Variants in CAPN2 observed in about 807,000 individuals in gnomAD.
CAPN2 encodes the protein calpain 2.
A neutral mutation model predicts 102.3 loss-of-function variants in CAPN2; 92 were observed. The observed-to-expected ratio is 0.90, with a 90% confidence interval of 0.76 to 1.07. The LOEUF (loss-of-function observed/expected upper bound fraction) is 1.07. CAPN2 is among the 50% of genes least tolerant of loss of function. The pLI is 0.00. For missense variants in CAPN2, 800 were observed against 909.4 expected, an observed-to-expected ratio of 0.88 and a Z score of 1.55; for synonymous variants, 340 against 355.4, an observed-to-expected ratio of 0.96 and a Z score of 0.49.
intron 4 of CAPN2, 39 bp from the exon 5 acceptor site, chr1:223,746,958 G>A: frequency 6.3e-7 from 1 of 1,576,704 alleles, no homozygotes; most frequent in East Asian, 2.2e-5. Context: ...AGCATCAGTA[G>A]TGTCAAGGGT....
At chr1:223,751,956 T>C (rs368954759) in intron 7 of CAPN2, 41 bp from the exon 8 acceptor site, 10 of 1,378,500 alleles carry the variant, frequency 7.3e-6, no homozygotes, top group Non-Finnish European at 9.2e-6. Flanking sequence ...TGGGGAGAAA[T>C]CATCGTACAC....
At chr1:223,762,081 G>C (rs1401862515) in intron 13 of CAPN2, 105 bp from the exon 14 acceptor site, 10 of 874,826 alleles carry the variant, frequency 1.1e-5, no homozygotes, top group African/African-American at 3.3e-5. Context: ...GCCCCAGGGA[G>C]GGGTAGAGAA....
rs149026969 is a variant in CAPN2 at position 223,749,048 on chromosome 1, G to A, written c.739G>A (p.Ala247Thr). Residue 247 changes from alanine to threonine, a missense_variant, in exon 6 of 21, where the codon GCC becomes ACC. Transcript: ENST00000295006. ...LLGCSIDITS[A>T]ADSEAITFQK... ...GTTGCTGTGTTTGCAGATCACCAGC[G>A]CCGCGGACTCGGAGGCCATCACGTT... The A allele has an allele frequency of 1.2e-6, 2 of 1,614,014 alleles. No individual in the cohort carries two copies. The highest frequency in any genetic ancestry group is 1.7e-6 in the Non-Finnish European group (2 of 1,179,864).
In CAPN2 at chr1:223,766,447, C is replaced by T. The variant is rs751366307; in HGVS notation, c.1755+16C>T. The T allele has an allele frequency of 1.9e-6, 3 of 1,590,084 alleles. No individual in the cohort carries two copies. In the East Asian group the frequency reaches 6.7e-5, roughly 36 times the overall value. On this transcript the variant is annotated intron_variant, in intron 16 of 20. Transcript: ENST00000295006. The stretch of plus-strand genomic sequence containing the variant: ...CATGCTAGATGTATCCTTTAATGTG[C>T]TCCAGGGAATAGAGACTGGGGGAGT...
chr1:223,744,544 A>G (rs1470348190), intron 3 of CAPN2, among the ~76,000 whole-genome samples: 1 of 152,114 alleles, frequency 6.6e-6, no homozygotes, highest in East Asian at 1.9e-4. Flanking sequence ...TCCTCCTTTT[A>G]TGCCGGTAAA....
rs10556130 is a variant in CAPN2 at position 223,719,805 on chromosome 1, C to CGTGTGTGTGT, written c.307+1992_307+2001dup. Among the ~76,000 whole-genome samples, 1,180 of 143,722 alleles carry CGTGTGTGTGT rather than the reference C, an allele frequency of 8.2e-3. 11 individuals carry two copies. The highest frequency in any genetic ancestry group is 0.017 in the Admixed American group (245 of 14,232). The allele number at this position is 143,722 out of a possible 152,430, so 94.3% of individuals were successfully genotyped here. A position where few individuals can be genotyped will look rare whatever the true frequency, so the allele number is the denominator to read the frequency against. On this transcript the variant is annotated intron_variant, in intron 2 of 20. Coordinates refer to ENST00000295006, the MANE Select transcript of CAPN2 (RefSeq NM_001748.5). ...GTCTGTAATTTCTCAGGGGTGTGTG[C>CGTGTGTGTGT]GTGTGTGTGTGTGTGTGTGTGTGTG...
intron 2 of CAPN2, among the ~76,000 whole-genome samples, chr1:223,728,281 T>C (rs1323136946): frequency 6.6e-6 from 1 of 152,158 alleles, no homozygotes; most frequent in Non-Finnish European, 1.5e-5. Flanking sequence ...CAGAGTCATC[T>C]GTAGGCCCCC....
Position 223,717,650 on chromosome 1 carries a change from A to AGGGGAG in CAPN2, c.238-108_238-103dup, listed in dbSNP as rs1659912392. 17 of 793,458 alleles carry AGGGGAG rather than the reference A, an allele frequency of 2.1e-5. No individual in the cohort carries two copies. In the Middle Eastern group the frequency reaches 7.8e-4, roughly 36 times the overall value. The allele number at this position is 793,458 out of a possible 1,614,324, so 49.2% of individuals were successfully genotyped here. On this transcript the variant is annotated intron_variant, in intron 1 of 20. Coordinates refer to ENST00000295006, the MANE Select transcript of CAPN2 (RefSeq NM_001748.5). ...GACTGTGATGACACACTTTCCCCAG[A>AGGGGAG]GGGGAGGGGAAGGGGAGAAGGGGTT...
chr1:223,725,098 G>A lies in CAPN2; in HGVS notation c.307+7267G>A, dbSNP rs1238955464. Among the ~76,000 whole-genome samples the A allele has an allele frequency of 6.6e-6, 1 of 152,228 alleles. No homozygotes were observed. Among genetic ancestry groups the A allele is most frequent in the Non-Finnish European group, 1.5e-5 (1 of 68,048 alleles). ...CCACATACTGGCTCTGTCATTTTGA[G>A]TGGATCACTATCCTCTTCACACCTC... is the stretch of plus-strand genomic sequence containing the variant. On this transcript the variant is annotated intron_variant, in intron 2 of 20. Coordinates refer to ENST00000295006, the MANE Select transcript of CAPN2 (RefSeq NM_001748.5). The surrounding 1 kb of genome is among the most constrained non-coding windows in gnomAD (Gnocchi z 4.1).
intron 12 of CAPN2, 98 bp from the exon 13 acceptor site, chr1:223,761,483 C>G: frequency 1.0e-6 from 1 of 952,442 alleles, no homozygotes; most frequent in East Asian, 2.5e-5. Flanking sequence ...CACCTACCCC[C>G]TGCTGGATTT....
At chr1:223,723,247 G>T (rs992901963) in intron 2 of CAPN2, among the ~76,000 whole-genome samples, 4 of 152,186 alleles carry the variant, frequency 2.6e-5, no homozygotes, top group African/African-American at 9.6e-5. Flanking sequence ...CCAGGAGGTA[G>T]AAGCTGCTGT....
chr1:223,729,286 C>T (rs947701976), intron 2 of CAPN2, among the ~76,000 whole-genome samples: 5 of 152,196 alleles, frequency 3.3e-5, no homozygotes, highest in African/African-American at 1.2e-4. Flanking sequence ...TTGAGTTGTT[C>T]AGCATTTTAT....
At chr1:223,751,784 T>C (rs1660906590) in intron 7 of CAPN2, among the ~76,000 whole-genome samples, 1 of 152,220 alleles carries the variant, frequency 6.6e-6, no homozygotes, top group Admixed American at 6.5e-5. Context: ...CCCGCTCACT[T>C]TGCTCCCTGG....
chr1:223,773,485 G>C (rs908854532), intron 20 of CAPN2, among the ~76,000 whole-genome samples: 2 of 152,156 alleles, frequency 1.3e-5, no homozygotes, highest in Admixed American at 1.3e-4. Context: ...CCTGAGGTTG[G>C]GAGTTCGAGA....
At chr1:223,732,570 G>A (rs567307319) in intron 2 of CAPN2, among the ~76,000 whole-genome samples, 1 of 152,086 alleles carries the variant, frequency 6.6e-6, no homozygotes, top group African/African-American at 2.4e-5. Context: ...GGTTTTGGCC[G>A]GCTTCTTTAC....
chr1:223,742,518 A>AT (rs199697766), intron 2 of CAPN2, among the ~76,000 whole-genome samples: 23,128 of 114,148 alleles, frequency 0.2, 2,831 homozygotes, highest in Non-Finnish European at 0.26. Context: ...ATATATATAT[A>AT]TTTTTTTTTT....
At chr1:223,751,193 G>T (rs1003046694) in intron 7 of CAPN2, among the ~76,000 whole-genome samples, 1 of 152,170 alleles carries the variant, frequency 6.6e-6, no homozygotes, top group Non-Finnish European at 1.5e-5. Context: ...CAGGCCCCAA[G>T]CTGCTCGTGT....
chr1:223,770,808 G>A (rs1205760404), intron 18 of CAPN2: 3 of 260,496 alleles, frequency 1.2e-5, no homozygotes, highest in Non-Finnish European at 2.2e-5. Context: ...TCCTCCAGGT[G>A]CTTCCTTTCT....
At position 223,775,650 on chromosome 1, in the gene CAPN2, C is replaced by CGTGACA. The variant is rs1192036039; in HGVS notation, c.*793_*794insGTGACA. 1.3e-5 allele frequency: 2 copies of CGTGACA among 152,612 alleles called. No individual in the cohort carries two copies. Among genetic ancestry groups the CGTGACA allele is most frequent in the Non-Finnish European group, 2.9e-5 (2 of 68,034 alleles). 9.5% of individuals were successfully genotyped at this position (152,612 alleles called of 1,614,324 possible). ...GTTTGCCACCTCAAAACTTTATGAA[C>CGTGACA]TTCACCACCACTAGTGTCTGTCCAT... On this transcript the variant is annotated 3_prime_UTR_variant, in exon 21 of 21. Transcript: ENST00000295006.
Sources: allele counts gnomAD v4.1 joint callset (sites outside exome capture counted in the v4.1 genomes callset), GRCh38; gene constraint gnomAD v4.1.1; non-coding constraint Gnocchi (gnomAD v3.1); transcripts MANE v1.5; gene names NCBI Gene and HGNC (gene_info 2026-07-23, HGNC 2026-07-21).